The following MEGF11 variants were observed in gnomAD, a reference collection of about 807,000 sequenced individuals.
MEGF11 encodes multiple epidermal growth factor-like domains protein 11.
A neutral mutation model predicts 146.6 loss-of-function variants in MEGF11; 126 were observed. That is an observed-to-expected ratio of 0.86 (90% CI 0.74 to 1.00). The LOEUF is 1.00. Ranked by LOEUF, MEGF11 falls within the 50% of genes least tolerant of loss-of-function variation. MEGF11 has a pLI of 0.00. For missense variants in MEGF11, 1,509 were observed against 1,521.2 expected, an observed-to-expected ratio of 0.99 and a Z score of 0.13; for synonymous variants, 532 against 583.4, an observed-to-expected ratio of 0.91 and a Z score of 1.27.
intron 5 of MEGF11, among the ~76,000 whole-genome samples, chr15:66,076,837 A>G (rs1170616671): frequency 6.6e-6 from 1 of 152,174 alleles, no homozygotes; most frequent in Non-Finnish European, 1.5e-5. Flanking sequence ...ACGCCAAGGT[A>G]GCCCGCCATA....
intron 15 of MEGF11, 27 bp from the exon 16 acceptor site, chr15:65,918,121 C>T: frequency 6.2e-7 from 1 of 1,612,432 alleles, no homozygotes; most frequent in Non-Finnish European, 8.5e-7. Context: ...GCCTGGCACC[C>T]ATCCTCCCAC....
chr15:65,909,922 C>T, intron 21 of MEGF11, 116 bp from the exon 22 acceptor site: 1 of 915,110 alleles, frequency 1.1e-6, no homozygotes, highest in Non-Finnish European at 1.7e-6. Flanking sequence ...CCACCTGGGT[C>T]CTAGGCCGTT....
intron 1 of MEGF11, among the ~76,000 whole-genome samples, chr15:66,202,161 C>T (rs561797238): frequency 2.8e-4 from 42 of 152,072 alleles, no homozygotes; most frequent in Middle Eastern, 6.8e-3. Flanking sequence ...CACACACATA[C>T]TCATCACACA....
At chr15:66,114,950 T>A (rs2087648152) in intron 4 of MEGF11, among the ~76,000 whole-genome samples, 1 of 152,184 alleles carries the variant, frequency 6.6e-6, no homozygotes, top group African/African-American at 2.4e-5. Context: ...CATCTCTTCC[T>A]CCTTCCACAC....
At chr15:66,074,108 C>G (rs1382896209) in intron 5 of MEGF11, among the ~76,000 whole-genome samples, 1 of 152,210 alleles carries the variant, frequency 6.6e-6, no homozygotes, top group African/African-American at 2.4e-5. Context: ...GTATCCCTCC[C>G]TAGCCCATCT....
At chr15:66,099,222 T>TTTTTTTG (rs2086683474) in intron 4 of MEGF11, among the ~76,000 whole-genome samples, 1 of 132,420 alleles carries the variant, frequency 7.6e-6, no homozygotes, top group African/African-American at 2.7e-5. Context: ...TTTTTTTTTT[T>TTTTTTTG]GATATGGAGT....
At chr15:66,134,501 CCACCCT>C (rs2088800791) in intron 1 of MEGF11, among the ~76,000 whole-genome samples, 1 of 152,178 alleles carries the variant, frequency 6.6e-6, no homozygotes, top group Non-Finnish European at 1.5e-5. Context: ...GCCTTCTCAG[CCACCCT>C]CTCCCACCTC....
At chr15:66,195,472 G>A (rs1210509500) in intron 1 of MEGF11, among the ~76,000 whole-genome samples, 2 of 152,236 alleles carry the variant, frequency 1.3e-5, no homozygotes, top group African/African-American at 4.8e-5. Context: ...GCAAACCTAA[G>A]ACAAAGGTAT....
chr15:65,914,131 A>G (rs559613010), intron 19 of MEGF11, 158 bp from the exon 20 acceptor site: 50 of 611,774 alleles, frequency 8.2e-5, no homozygotes, highest in Non-Finnish European at 1.3e-4. Flanking sequence ...CCCAGCCCTC[A>G]CTGTGCCTTC....
At chr15:66,141,800 T>G (rs908743737) in intron 1 of MEGF11, among the ~76,000 whole-genome samples, 3 of 152,166 alleles carry the variant, frequency 2.0e-5, no homozygotes, top group African/African-American at 7.2e-5. Flanking sequence ...ATCCTGTGTG[T>G]ATTTCCCTCC....
intron 5 of MEGF11, among the ~76,000 whole-genome samples, chr15:66,086,848 G>A (rs2086129730): frequency 6.6e-6 from 1 of 152,202 alleles, no homozygotes; most frequent in Non-Finnish European, 1.5e-5. Context: ...AACATTGAAT[G>A]TAATTGGCCT....
rs1011367900 is a variant in MEGF11, at chr15:66,153,402, G to A, written c.-8-24991C>T. Among the ~76,000 whole-genome samples, 8 of 152,122 alleles carry A rather than the reference G, an allele frequency of 5.3e-5. No homozygotes were observed. The East Asian group carries it at 9.7e-4, about 18-fold the overall frequency. ...ATCCTGGCCAACATGGTGAAGTCTC[G>A]TCTCTACTAAAAATACAAAAATTAG... On this transcript the variant is annotated intron_variant, in intron 1 of 25. Transcript: ENST00000395614.
chr15:65,984,928 C>G (rs538085254), intron 5 of MEGF11, among the ~76,000 whole-genome samples: 73 of 152,132 alleles, frequency 4.8e-4, no homozygotes, highest in Non-Finnish European at 9.1e-4. Flanking sequence ...GCCACCACGC[C>G]TGGCTAATTT....
rs58713809 is a variant in MEGF11 at position 66,109,155 on chromosome 15, TC to T, written c.301+9930del. On this transcript the variant is annotated intron_variant, in intron 4 of 25. Coordinates refer to ENST00000395614, the MANE Select transcript of MEGF11 (RefSeq NM_001385028.1). ...CCAGCCGCCAGACCCCAGGTCTTCA[TC>T]CCCTTGACCAAGTCCTTGAACACAG... is the stretch of plus-strand genomic sequence containing the variant. Among the ~76,000 whole-genome samples, 154 of 152,196 alleles carry T rather than the reference TC, an allele frequency of 1.0e-3. 2 individuals are homozygous for T. Among genetic ancestry groups the T allele is most frequent in the Middle Eastern group, 3.4e-3 (1 of 294 alleles).
chr15:65,929,704 C>A lies in MEGF11; in HGVS notation c.1572+16G>T. 6.5e-7 allele frequency: 1 copy of A among 1,546,624 alleles called. No homozygotes were observed. Among genetic ancestry groups the A allele is most frequent in the Non-Finnish European group, 8.7e-7 (1 of 1,143,562 alleles). On this transcript the variant is annotated intron_variant, in intron 12 of 25. Transcript: ENST00000395614. Reference sequence around the variant, plus strand: ...GATGCGGAGCCCAACCTGTCCCTCCCCACCCTGGCACTCACCGGGCAAGGC... The same window carrying A: ...GATGCGGAGCCCAACCTGTCCCTCCACACCCTGGCACTCACCGGGCAAGGC...
chr15:65,906,014 G>T, intron 24 of MEGF11, 71 bp downstream of exon 24: 1 of 1,303,034 alleles, frequency 7.7e-7, no homozygotes, highest in Non-Finnish European at 1.1e-6. Context: ...TGGAATTCCT[G>T]GCCATTTCAG....
At chr15:66,216,977 T>C (rs2091601626) in intron 1 of MEGF11, among the ~76,000 whole-genome samples, 1 of 152,226 alleles carries the variant, frequency 6.6e-6, no homozygotes, top group Non-Finnish European at 1.5e-5. Flanking sequence ...TGCAGGGCCT[T>C]CTCCAGAGCA....
At chr15:66,044,850 CAAAAAAAAAAAAAA>C (rs140901440) in intron 5 of MEGF11, among the ~76,000 whole-genome samples, 6 of 90,700 alleles carry the variant, frequency 6.6e-5, no homozygotes, top group Admixed American at 5.4e-4. Flanking sequence ...GACCTTATCT[CAAAAAAAAAAAAAA>C]AAAAAAAAAA....
chr15:65,979,419 T>A (rs1177573834), intron 7 of MEGF11, among the ~76,000 whole-genome samples: 1 of 152,194 alleles, frequency 6.6e-6, no homozygotes, highest in Non-Finnish European at 1.5e-5. Context: ...CTCCCATCTG[T>A]CCCTGTGACC....
Sources: allele counts gnomAD v4.1 joint callset (sites outside exome capture counted in the v4.1 genomes callset), GRCh38; gene constraint gnomAD v4.1.1; transcripts MANE v1.5; gene names NCBI Gene and HGNC (gene_info 2026-07-23, HGNC 2026-07-21).